The following ERCC1 variants were observed in gnomAD, a reference collection of about 807,000 sequenced individuals.
The protein encoded by ERCC1 is ERCC excision repair 1, endonuclease non-catalytic subunit, also known as DNA excision repair protein ERCC-1.
ERCC1 carries 36 observed loss-of-function variants against 37.6 expected under a neutral mutation model. The ratio of observed to expected loss-of-function variants is 0.96; its 90% CI spans 0.73 to 1.26. The LOEUF (loss-of-function observed/expected upper bound fraction) is 1.26. Among genes scored for constraint, ERCC1 ranks in the 50% most tolerant of loss-of-function variants. The pLI, the probability that ERCC1 is intolerant of heterozygous loss-of-function variation, is 0.00. For missense variants in ERCC1, 349 were observed against 376.5 expected (o/e 0.93, Z 0.60); for synonymous variants, 156 against 162.1 (o/e 0.96, Z 0.28).
At chr19:45,430,067 A>G (rs1184485226) in intron 1 of ERCC1, among the ~76,000 whole-genome samples, 1 of 152,178 alleles carries the variant, frequency 6.6e-6, no homozygotes, top group Non-Finnish European at 1.5e-5. Flanking sequence ...TACAGGCATG[A>G]GCCACCGCGT....
chr19:45,416,889 G>C lies in ERCC1; in HGVS notation c.534C>G (p.Pro178=), dbSNP rs778643091. Residue 178 remains proline (P), a synonymous_variant, in exon 6 of 10, where the codon CCC becomes CCG. Coordinates refer to ENST00000300853, the MANE Select transcript of ERCC1 (RefSeq NM_001983.4). ...TAGCCAGCTCCTTGAGGGCCTGCTG[G>C]GGATCTTTCTGGAGGAGAAAATCAG... ...VLLVQVDVKD[P]QQALKELAKM... 9 of 1,612,392 alleles carry C rather than the reference G, an allele frequency of 5.6e-6. No individual in the cohort carries two copies. In the East Asian group the frequency reaches 2.0e-4, roughly 36 times the overall value.
In ERCC1 at chr19:45,409,229, AC is replaced by A. The variant is rs1973535340; in HGVS notation, c.*445del. 6.2e-7 allele frequency: 1 copy of A among 1,607,978 alleles called. No homozygotes were observed. The highest frequency in any genetic ancestry group is 8.5e-7 in the Non-Finnish European group (1 of 1,176,304). ...TGAGCCTCAGGCAGCTCCCACATCC[AC>A]CAAGAAGAAGAAGAAGAAGAAAGAG... On this transcript the variant is annotated 3_prime_UTR_variant, in exon 10 of 10. Transcript: ENST00000300853.
At chr19:45,444,929 A>G (rs1966896700) in intron 1 of ERCC1, among the ~76,000 whole-genome samples, 1 of 152,184 alleles carries the variant, frequency 6.6e-6, no homozygotes, top group African/African-American at 2.4e-5. Flanking sequence ...GGCTGTTCTG[A>G]CGATTCAGTG....
chr19:45,427,702 C>T (rs1390273845), upstream of ERCC1, among the ~76,000 whole-genome samples: 2 of 152,186 alleles, frequency 1.3e-5, no homozygotes, highest in South Asian at 2.1e-4. Context: ...AGTAGAAGGG[C>T]TTGTGACTCA....
rs1470528389 is a variant in ERCC1 at position 45,408,193 on chromosome 19, C to T, written c.*1482G>A. ...AGATCGTCAAGGGCAAATTGGCAGG[C>T]AAGCGGCACCGCTATCGAGTCCTCA... On this transcript the variant is annotated 3_prime_UTR_variant, in exon 10 of 10. Transcript: ENST00000300853. The T allele has an allele frequency of 6.2e-7, 1 of 1,613,080 alleles. No homozygotes were observed. Among genetic ancestry groups the T allele is most frequent in the African/African-American group, 1.3e-5 (1 of 74,924 alleles).
chr19:45,448,068 CGCCATGCTG>C (rs1352704725), intron 1 of ERCC1, among the ~76,000 whole-genome samples: 1 of 152,088 alleles, frequency 6.6e-6, no homozygotes, highest in African/African-American at 2.4e-5. Context: ...GACGGGGTTT[CGCCATGCTG>C]GCCATGCTGG....
chr19:45,415,312 G>A (rs1381281552), intron 6 of ERCC1, among the ~76,000 whole-genome samples: 1 of 129,580 alleles, frequency 7.7e-6, no homozygotes, highest in Non-Finnish European at 1.6e-5. Context: ...TCCCGCTTGG[G>A]CAACAAGAGT....
intron 1 of ERCC1, among the ~76,000 whole-genome samples, chr19:45,430,537 A>T (rs1031343974): frequency 2.2e-4 from 34 of 152,138 alleles, no homozygotes; most frequent in Non-Finnish European, 1.9e-4. Context: ...TGGAACCAAA[A>T]GCTAGGGAGT....
rs1048681973 is a variant in ERCC1, at chr19:45,408,616, A to G, written c.*1059T>C. 5.0e-6 allele frequency: 8 copies of G among 1,613,652 alleles called. No individual in the cohort carries two copies. The African/African-American group carries it at 8.0e-5, about 16-fold the overall frequency. On this transcript the variant is annotated 3_prime_UTR_variant, in exon 10 of 10. Coordinates refer to ENST00000300853, the MANE Select transcript of ERCC1 (RefSeq NM_001983.4). The stretch of plus-strand genomic sequence containing the variant: ...TGGATGTGCGGAAGAAGAAGAAGAA[A>G]AAAAATCAGCAGCTGAAAGAACCAG...
chr19:45,408,665 G>A lies in ERCC1; in HGVS notation c.*1010C>T, dbSNP rs1568570068. ...AGAGGCAGCAGGGCCTGTGGGGACA[G>A]AGCCCACAGTGGAGACACTGGAGCC... On this transcript the variant is annotated 3_prime_UTR_variant, in exon 10 of 10. Transcript: ENST00000300853. 2.5e-6 allele frequency: 4 copies of A among 1,613,964 alleles called. No homozygotes were observed. Among genetic ancestry groups the A allele is most frequent in the East Asian group, 4.5e-5 (2 of 44,876 alleles).
At chr19:45,417,039 G>A in intron 5 of ERCC1, 142 bp from the exon 6 acceptor site, 1 of 687,626 alleles carries the variant, frequency 1.5e-6, no homozygotes, top group Non-Finnish European at 2.6e-6. Context: ...AGACGTTGCA[G>A]TGAGCCAAGA....
rs759691872 is a variant in ERCC1, at chr19:45,423,399, A to G, written c.-7-18T>C. On this transcript the variant is annotated intron_variant, in intron 1 of 9. Coordinates refer to ENST00000300853, the MANE Select transcript of ERCC1 (RefSeq NM_001983.4). ...TCTGGAGCCTGAAAGGGAAGGTGCC[A>G]GGAGCGAGTGAGCCACTGGCGTCTA... 3.1e-6 allele frequency: 5 copies of G among 1,598,654 alleles called. No homozygotes were observed. The South Asian group carries it at 5.6e-5, about 18-fold the overall frequency.
chr19:45,442,934 C>T (rs746606201), intron 1 of ERCC1, among the ~76,000 whole-genome samples: 3 of 152,028 alleles, frequency 2.0e-5, no homozygotes, highest in Non-Finnish European at 2.9e-5. Context: ...GGACACATCT[C>T]GGTGATAGCA....
Position 45,421,787 on chromosome 19 carries a change from C to T in ERCC1, c.106-394G>A, listed in dbSNP as rs3212945. Among the ~76,000 whole-genome samples, 790 of 152,142 alleles carry T rather than the reference C, an allele frequency of 5.2e-3. 6 individuals are homozygous for T. Among genetic ancestry groups the T allele is most frequent in the African/African-American group, 0.019 (771 of 41,500 alleles). ...TAGCTGGGACTACAGGCGTGTACCA[C>T]CACGCTGGCTAATTTTTGTATTTTT... On this transcript the variant is annotated intron_variant, in intron 2 of 9. Coordinates refer to ENST00000300853, the MANE Select transcript of ERCC1 (RefSeq NM_001983.4).
chr19:45,419,493 G>A (rs1169412635), intron 4 of ERCC1: 1 of 406,308 alleles, frequency 2.5e-6, no homozygotes, highest in South Asian at 2.2e-5. Flanking sequence ...AGGGGCCCTA[G>A]AGAGTGTGGG....
At position 45,435,044 on chromosome 19, in the gene ERCC1, A is replaced by G. The variant is rs148198712; in HGVS notation, c.-7-11663T>C. Among the ~76,000 whole-genome samples, 385 of 152,030 alleles carry G rather than the reference A, an allele frequency of 2.5e-3. 2 individuals carry two copies. The highest frequency in any genetic ancestry group is 8.8e-3 in the African/African-American group (365 of 41,432). On this transcript the variant is annotated intron_variant, in intron 1 of 8. Transcript: ENST00000423698. ...GTGATCCACCTGCTTCAGCCTCCCA[A>G]AGTGCTGCAATTACAGGCATGAGCC...
intron 1 of ERCC1, among the ~76,000 whole-genome samples, chr19:45,429,398 T>C (rs865991233): frequency 1.3e-5 from 2 of 151,930 alleles, no homozygotes; most frequent in South Asian, 2.1e-4. Context: ...AGACAGAGGT[T>C]GTAGTGAGCC....
intron 9 of ERCC1, chr19:45,413,434 T>A (rs542654409): frequency 1.4e-6 from 1 of 734,456 alleles, no homozygotes; most frequent in African/African-American, 1.8e-5. Context: ...CACACCACCA[T>A]GCCCAGCTAG....
rs368596500 is a variant in ERCC1, at chr19:45,423,401, G to C, written c.-7-20C>G. The C allele has an allele frequency of 6.3e-7, 1 of 1,594,614 alleles. No homozygotes were observed. Among genetic ancestry groups the C allele is most frequent in the African/African-American group, 1.3e-5 (1 of 74,516 alleles). ...TGGAGCCTGAAAGGGAAGGTGCCAG[G>C]AGCGAGTGAGCCACTGGCGTCTACG... On this transcript the variant is annotated intron_variant, in intron 1 of 9. Transcript: ENST00000300853.
Sources: gnomAD v4.1 joint callset for allele counts (sites outside exome capture counted in the v4.1 genomes callset) on GRCh38, gnomAD v4.1.1 for gene constraint, MANE v1.5 for transcripts, NCBI Gene and HGNC (gene_info 2026-07-23, HGNC 2026-07-21) for gene names.